The following HCRTR2 variants were observed in gnomAD, a reference collection of about 807,000 sequenced individuals.
HCRTR2 encodes the protein hypocretin receptor 2.
A neutral mutation model predicts 49.0 loss-of-function variants in HCRTR2; 22 were observed. The ratio of observed to expected loss-of-function variants is 0.45; its 90% CI spans 0.32 to 0.64. HCRTR2 has a LOEUF of 0.64. Ranked by LOEUF, HCRTR2 falls within the 30% of genes least tolerant of loss-of-function variation. HCRTR2 has a pLI of 0.04. For synonymous variants in HCRTR2, 236 were observed against 205.3 expected (o/e 1.15, Z -1.28); for missense variants, 491 against 559.4 (o/e 0.88, Z 1.23).
At chr6:55,229,483 T>C (rs1247992478) in intron 1 of HCRTR2, among the ~76,000 whole-genome samples, 1 of 152,168 alleles carries the variant, frequency 6.6e-6, no homozygotes, top group Non-Finnish European at 1.5e-5. Context: ...CAAAACAACC[T>C]AAATGTCCAT....
At chr6:55,196,690 G>C (rs1765423158) in intron 1 of HCRTR2, among the ~76,000 whole-genome samples, 1 of 152,122 alleles carries the variant, frequency 6.6e-6, no homozygotes, top group African/African-American at 2.4e-5. Context: ...TATGATTCAG[G>C]TGGTGAGAAG....
intron 1 of HCRTR2, among the ~76,000 whole-genome samples, chr6:55,122,193 A>G (rs1764210466): frequency 6.6e-6 from 1 of 152,004 alleles, no homozygotes; most frequent in Non-Finnish European, 1.5e-5. Flanking sequence ...TAGTCTTGGG[A>G]GGGTGTATGT....
intron 1 of HCRTR2, among the ~76,000 whole-genome samples, chr6:55,242,163 C>A (rs1236727790): frequency 6.6e-6 from 1 of 152,196 alleles, no homozygotes; most frequent in East Asian, 1.9e-4. Flanking sequence ...AGCCACCACT[C>A]CCAGTCGGCA....
At chr6:55,274,500 GT>G (rs1327297278) in intron 4 of HCRTR2, among the ~76,000 whole-genome samples, 2 of 151,502 alleles carry the variant, frequency 1.3e-5, no homozygotes, top group Non-Finnish European at 2.9e-5. Flanking sequence ...GTTCTAGTGG[GT>G]TTTTGGTAGA....
chr6:55,174,179 T>G, upstream of HCRTR2: 1 of 193,506 alleles, frequency 5.2e-6, no homozygotes, highest in Admixed American at 5.7e-5. Flanking sequence ...ACAGATTAAA[T>G]TAGTTTTCAT....
intron 1 of HCRTR2, among the ~76,000 whole-genome samples, chr6:55,164,709 CA>C (rs1324854190): frequency 1.3e-5 from 2 of 151,902 alleles, no homozygotes; most frequent in Non-Finnish European, 2.9e-5. Flanking sequence ...ACCACCGTGG[CA>C]CATGTATACC....
chr6:55,154,159 A>G (rs139801398), intron 1 of HCRTR2, among the ~76,000 whole-genome samples: 422 of 152,040 alleles, frequency 2.8e-3, no homozygotes, highest in Non-Finnish European at 4.9e-3. Flanking sequence ...AGAAGAGTCT[A>G]GGACCAGAAG....
At chr6:55,278,360 G>T (rs1212006173) in intron 5 of HCRTR2, among the ~76,000 whole-genome samples, 1 of 152,118 alleles carries the variant, frequency 6.6e-6, no homozygotes, top group Admixed American at 6.5e-5. Context: ...ACCAATTCTT[G>T]TTTACAACAG....
chr6:55,185,105 T>A (rs185448088), intron 1 of HCRTR2, among the ~76,000 whole-genome samples: 1 of 152,252 alleles, frequency 6.6e-6, no homozygotes, highest in African/African-American at 2.4e-5. Flanking sequence ...GAATCAACTT[T>A]TTATTATTAA....
intron 1 of HCRTR2, among the ~76,000 whole-genome samples, chr6:55,233,853 T>A (rs1039864264): frequency 8.5e-5 from 13 of 152,216 alleles, no homozygotes; most frequent in African/African-American, 2.9e-4. Flanking sequence ...AAGTTAAACA[T>A]GTTATAATAA....
At chr6:55,187,430 A>G (rs373702531) in intron 1 of HCRTR2, among the ~76,000 whole-genome samples, 37 of 11,450 alleles carry the variant, frequency 3.2e-3, no homozygotes, top group South Asian at 0.017. Context: ...AAAAAAAAAA[A>G]AAAAAAAAAA....
intron 1 of HCRTR2, among the ~76,000 whole-genome samples, chr6:55,142,444 G>A (rs9475164): frequency 0.24 from 35,934 of 149,366 alleles, 4,657 homozygotes; most frequent in African/African-American, 0.31. Flanking sequence ...TCCTGACCTC[G>A]TGATCCACCC....
At chr6:55,210,758 A>G (rs113255654) in intron 1 of HCRTR2, among the ~76,000 whole-genome samples, 3 of 152,116 alleles carry the variant, frequency 2.0e-5, no homozygotes, top group African/African-American at 7.2e-5. Context: ...ACTCCTTTTC[A>G]TAAACTAGAC....
At chr6:55,189,698 C>A (rs545988396) in intron 1 of HCRTR2, among the ~76,000 whole-genome samples, 18 of 152,224 alleles carry the variant, frequency 1.2e-4, no homozygotes, top group African/African-American at 4.3e-4. Context: ...GACTTAATAC[C>A]TAGGTGATGG....
At chr6:55,211,110 T>G (rs1765688606) in intron 1 of HCRTR2, among the ~76,000 whole-genome samples, 1 of 152,172 alleles carries the variant, frequency 6.6e-6, no homozygotes. Flanking sequence ...GGCTATACCC[T>G]ATAGCCTAGG....
chr6:55,174,614 C>T lies in HCRTR2; in HGVS notation c.27C>T (p.Ser9=), dbSNP rs1445453672. The part of the protein sequence containing the change: MSGTKLED[S]PPCRNWSSAS... The stretch of plus-strand genomic sequence containing the variant: ...TGTCCGGCACCAAATTGGAGGACTC[C>T]CCCCCTTGTCGCAACTGGTCATCTG... Residue 9 remains serine, a synonymous_variant, in exon 1 of 7, where the codon TCC becomes TCT. Coordinates refer to ENST00000370862, the MANE Select transcript of HCRTR2 (RefSeq NM_001384272.1). The T allele has an allele frequency of 3.7e-6, 6 of 1,613,832 alleles. No individual in the cohort carries two copies. The highest frequency in any genetic ancestry group is 5.1e-6 in the Non-Finnish European group (6 of 1,179,976).
intron 3 of HCRTR2, among the ~76,000 whole-genome samples, chr6:55,263,090 A>G (rs1353007209): frequency 6.6e-6 from 1 of 152,012 alleles, no homozygotes; most frequent in Non-Finnish European, 1.5e-5. Context: ...CACACCACAG[A>G]CATACTATGC....
At chr6:55,194,059 C>T (rs923376247) in intron 1 of HCRTR2, among the ~76,000 whole-genome samples, 4 of 151,802 alleles carry the variant, frequency 2.6e-5, no homozygotes, top group Admixed American at 2.0e-4. Flanking sequence ...CATTCTTTCC[C>T]GTGATCATAG....
intron 1 of HCRTR2, among the ~76,000 whole-genome samples, chr6:55,213,855 C>A (rs909645064): frequency 6.6e-6 from 1 of 152,006 alleles, no homozygotes; most frequent in African/African-American, 2.4e-5. Flanking sequence ...ACTCATTTGC[C>A]GCAGTTCCTC....
Sources: allele counts gnomAD v4.1 joint callset (sites outside exome capture counted in the v4.1 genomes callset), GRCh38; gene constraint gnomAD v4.1.1; transcripts MANE v1.5; gene names NCBI Gene and HGNC (gene_info 2026-07-23, HGNC 2026-07-21).